The following FCHO2 variants were observed in gnomAD, a reference collection of about 807,000 sequenced individuals.
FCHO2 encodes F-BAR domain only protein 2.
Under a neutral mutation model 114.1 loss-of-function variants are expected in FCHO2, and 43 were observed. The ratio of observed to expected loss-of-function variants is 0.38; its 90% CI spans 0.30 to 0.49. The LOEUF (loss-of-function observed/expected upper bound fraction) is 0.49. FCHO2 is among the 20% of genes least tolerant of loss of function. FCHO2 has a pLI of 0.97. For missense variants in FCHO2, 807 were observed against 950.4 expected (o/e 0.85, Z 1.98); for synonymous variants, 293 against 315.2 (o/e 0.93, Z 0.75).
chr5:73,082,345 T>C (rs1743125561), intron 23 of FCHO2, among the ~76,000 whole-genome samples: 1 of 151,652 alleles, frequency 6.6e-6, no homozygotes, highest in Admixed American at 6.6e-5. Flanking sequence ...CAGGAACACC[T>C]ATCTAATTAG....
intron 5 of FCHO2, among the ~76,000 whole-genome samples, chr5:72,999,889 T>A (rs1479074222): frequency 6.6e-6 from 1 of 152,254 alleles, no homozygotes; most frequent in Non-Finnish European, 1.5e-5. Flanking sequence ...AGGTAATGTA[T>A]TAAAGCCACT....
At chr5:73,022,076 A>G (rs536246225) in intron 8 of FCHO2, among the ~76,000 whole-genome samples, 2 of 152,346 alleles carry the variant, frequency 1.3e-5, no homozygotes, top group Non-Finnish European at 2.9e-5. Context: ...ATCCTGGATC[A>G]CAAATCAAGT....
chr5:73,069,620 G>C (rs1742535387), intron 19 of FCHO2, among the ~76,000 whole-genome samples: 1 of 151,984 alleles, frequency 6.6e-6, no homozygotes, highest in African/African-American at 2.4e-5. Context: ...TGAGTGATGG[G>C]GTGGGGGGCG....
chr5:73,011,424 C>G (rs1182683512), intron 6 of FCHO2, among the ~76,000 whole-genome samples: 1 of 151,942 alleles, frequency 6.6e-6, no homozygotes, highest in African/African-American at 2.4e-5. Context: ...TCTTTATATC[C>G]TTACTCGATC....
At chr5:73,036,829 C>T (rs1206232350) in intron 9 of FCHO2, among the ~76,000 whole-genome samples, 2 of 152,022 alleles carry the variant, frequency 1.3e-5, no homozygotes, top group African/African-American at 2.4e-5. Flanking sequence ...AATGTACTTT[C>T]TTTGAAGTTT....
intron 11 of FCHO2, among the ~76,000 whole-genome samples, chr5:73,048,150 A>AT (rs1342931446): frequency 1.3e-4 from 19 of 151,454 alleles, no homozygotes; most frequent in African/African-American, 2.4e-4. Context: ...CTTATTTTTT[A>AT]TTTTTTTTAA....
chr5:72,996,526 T>C (rs1474057871), intron 5 of FCHO2, among the ~76,000 whole-genome samples: 1 of 151,816 alleles, frequency 6.6e-6, no homozygotes, highest in African/African-American at 2.4e-5. Flanking sequence ...ACTCTCTGCT[T>C]ACCCCCCTCC....
In FCHO2 at chr5:73,054,153, C is replaced by T. The variant is rs1186733847; in HGVS notation, c.1174-7C>T. 2 of 1,511,098 alleles carry T rather than the reference C, an allele frequency of 1.3e-6. No individual in the cohort carries two copies. Among genetic ancestry groups the T allele is most frequent in the Admixed American group, 2.3e-5 (1 of 44,108 alleles). 93.6% of individuals were successfully genotyped at this position (1,511,098 alleles called of 1,614,324 possible). A position where few individuals can be genotyped will look rare whatever the true frequency, so the allele number is the denominator to read the frequency against. ...CCTAATTTTCTTTTTCTTCCATGTACTACTAGAGACACAGTCCAGTAAGTA... is the reference window on the plus strand; with the variant it reads ...CCTAATTTTCTTTTTCTTCCATGTATTACTAGAGACACAGTCCAGTAAGTA... On this transcript the variant is annotated splice_polypyrimidine_tract_variant and splice_region_variant and intron_variant, in intron 13 of 25. Coordinates refer to ENST00000430046, the MANE Select transcript of FCHO2 (RefSeq NM_138782.3).
intron 16 of FCHO2, 38 bp downstream of exon 16, chr5:73,056,145 T>A (rs912089699): frequency 2.0e-6 from 3 of 1,466,864 alleles, no homozygotes; most frequent in Non-Finnish European, 2.7e-6. Flanking sequence ...AAAATAGACT[T>A]TATTTTTTAG....
At chr5:72,993,481 C>G (rs1024347523) in intron 5 of FCHO2, among the ~76,000 whole-genome samples, 2 of 152,076 alleles carry the variant, frequency 1.3e-5, no homozygotes, top group Non-Finnish European at 2.9e-5. Context: ...TGAAGAAATT[C>G]AAGAGCCCTC....
At chr5:73,054,761 C>T (rs1197021712) in intron 15 of FCHO2, among the ~76,000 whole-genome samples, 5 of 152,064 alleles carry the variant, frequency 3.3e-5, no homozygotes, top group Non-Finnish European at 4.4e-5. Context: ...CAATACATGG[C>T]TACAACATTT....
intron 9 of FCHO2, 58 bp from the exon 10 acceptor site, chr5:73,037,085 T>C (rs1371835145): frequency 8.2e-7 from 1 of 1,224,510 alleles, no homozygotes; most frequent in East Asian, 2.6e-5. Flanking sequence ...TATCCATAAG[T>C]TTAATATGTT....
At chr5:72,991,146 C>T (rs1753788802) in intron 5 of FCHO2, among the ~76,000 whole-genome samples, 1 of 152,172 alleles carries the variant, frequency 6.6e-6, no homozygotes, top group African/African-American at 2.4e-5. Flanking sequence ...CTCACTGCAG[C>T]CTCTGCCTCC....
chr5:72,981,020 T>G (rs1437859231), intron 2 of FCHO2, among the ~76,000 whole-genome samples: 4 of 152,246 alleles, frequency 2.6e-5, no homozygotes, highest in African/African-American at 7.2e-5. Context: ...CATTAGTTGG[T>G]ACAGTTTCTT....
chr5:73,015,722 C>A lies in FCHO2; in HGVS notation c.697C>A (p.Gln233Lys). Reference sequence around the variant, plus strand: ...AAAGGAAATTCATTTGCAGATAGGCCAGGTAAGTTTTTTTACTTTATGTTG... The same window carrying A: ...AAAGGAAATTCATTTGCAGATAGGCAAGGTAAGTTTTTTTACTTTATGTTG... The part of the protein sequence containing the change: ...AIKEIHLQIG[Q>K]VHEEFINNMA... Residue 233 changes from glutamine (Q) to lysine (K), a missense_variant and splice_region_variant, in exon 7 of 26, where the codon CAG becomes AAG. Coordinates refer to ENST00000430046, the MANE Select transcript of FCHO2 (RefSeq NM_138782.3). 6.4e-7 allele frequency: 1 copy of A among 1,555,332 alleles called. No individual in the cohort carries two copies. The highest frequency in any genetic ancestry group is 8.6e-7 in the Non-Finnish European group (1 of 1,158,218).
At chr5:72,959,301 A>G (rs1188383028) in intron 1 of FCHO2, among the ~76,000 whole-genome samples, 2 of 152,242 alleles carry the variant, frequency 1.3e-5, no homozygotes, top group African/African-American at 2.4e-5. Context: ...GAGCCCAAGA[A>G]TTGGAGACCA....
intron 11 of FCHO2, among the ~76,000 whole-genome samples, chr5:73,047,377 T>C (rs527683032): frequency 6.6e-6 from 1 of 152,108 alleles, no homozygotes; most frequent in African/African-American, 2.4e-5. Context: ...AACTTTATTG[T>C]GTTCTAATTA....
rs761669818 is a variant in FCHO2 at position 72,989,387 on chromosome 5, T to C, written c.126-40T>C. ...TGATAACTTTGCTGTTTTTGGTCAC[T>C]AAATAAGAAGTATTATGATGTGGAT... On this transcript the variant is annotated intron_variant, in intron 2 of 25. Coordinates refer to ENST00000430046, the MANE Select transcript of FCHO2 (RefSeq NM_138782.3). 2.7e-6 allele frequency: 4 copies of C among 1,466,328 alleles called. No individual in the cohort carries two copies. The South Asian group carries it at 3.9e-5, about 14-fold the overall frequency. 90.8% of individuals were successfully genotyped at this position (1,466,328 alleles called of 1,614,324 possible).
At position 72,997,872 on chromosome 5, in the gene FCHO2, A is replaced by G. The variant is rs540222589; in HGVS notation, c.495+7008A>G. The stretch of plus-strand genomic sequence containing the variant: ...CTTCGTGTTCACACTCCATGTGTGA[A>G]TGGAGTTCAGGCTGGGAGACAGGCA... On this transcript the variant is annotated intron_variant, in intron 5 of 25. Transcript: ENST00000430046. Among the ~76,000 whole-genome samples the G allele has an allele frequency of 6.6e-5, 10 of 152,354 alleles. No homozygotes were observed. In the East Asian group the frequency reaches 1.7e-3, roughly 27 times the overall value.
Sources: allele counts gnomAD v4.1 joint callset (sites outside exome capture counted in the v4.1 genomes callset), GRCh38; gene constraint gnomAD v4.1.1; transcripts MANE v1.5; gene names NCBI Gene and HGNC (gene_info 2026-07-23, HGNC 2026-07-21).